PTPN13: variants seen among roughly 807,000 people sequenced by gnomAD.
PTPN13 encodes protein tyrosine phosphatase non-receptor type 13.
In PTPN13, 191 loss-of-function variants were observed where a neutral mutation model predicts 284.0. The ratio of observed to expected loss-of-function variants is 0.67; its 90% CI spans 0.60 to 0.76. PTPN13 has a LOEUF of 0.76. Ranked by LOEUF, PTPN13 falls within the 30% of genes least tolerant of loss-of-function variation. The probability of loss-of-function intolerance (pLI) is 0.00; values close to 1 mark genes in which losing one functional copy is unlikely to be tolerated. For synonymous variants in PTPN13, 986 were observed against 1,022.3 expected, an observed-to-expected ratio of 0.96 and a Z score of 0.68; for missense variants, 2,797 against 2,939.9, an observed-to-expected ratio of 0.95 and a Z score of 1.12.
At chr4:86,700,493 T>C (rs181014318) in intron 6 of PTPN13, among the ~76,000 whole-genome samples, 63 of 152,266 alleles carry the variant, frequency 4.1e-4, no homozygotes, top group African/African-American at 1.4e-3. Context: ...GTAAAATGAC[T>C]ACTGATTTTT....
chr4:86,773,061 C>T, intron 32 of PTPN13, 103 bp downstream of exon 32: 1 of 811,632 alleles, frequency 1.2e-6, no homozygotes, highest in Non-Finnish European at 1.8e-6. Flanking sequence ...AAAATAGCTT[C>T]ATATGTGTGT....
chr4:86,732,328 A>G, intron 10 of PTPN13, 72 bp from the exon 11 acceptor site: 6 of 1,225,862 alleles, frequency 4.9e-6, no homozygotes, highest in Non-Finnish European at 6.8e-6. Context: ...TTATTCTTAC[A>G]TTATTTTTCC....
rs962062552 is a variant in PTPN13, at chr4:86,809,971, G to A, written c.7286G>A (p.Ser2429Asn). Residue 2429 changes from serine to asparagine, a missense_variant, in exon 46 of 48, where the codon AGT becomes AAT. Physicochemically the swap from Ser to Asn is conservative, Grantham distance 46. Transcript: ENST00000411767. ...ICIDVVLGLI[S>N]QDLDFDISDL... is the part of the protein sequence containing the mutation. The stretch of plus-strand genomic sequence containing the variant: ...ATAGATGTGGTTCTGGGATTAATCA[G>A]TCAGGATCTTGATGTGAGTACAAGA... The A allele has an allele frequency of 3.1e-6, 5 of 1,613,864 alleles. No homozygotes were observed. The highest frequency in any genetic ancestry group is 1.6e-4 in the Middle Eastern group (1 of 6,062).
chr4:86,655,093 G>C (rs1318574149), intron 2 of PTPN13, among the ~76,000 whole-genome samples: 1 of 152,016 alleles, frequency 6.6e-6, no homozygotes, highest in Non-Finnish European at 1.5e-5. Context: ...CCATTTGCTT[G>C]GTAGATCTTC....
chr4:86,809,160 G>A (rs1419665903), intron 45 of PTPN13, among the ~76,000 whole-genome samples: 1 of 152,178 alleles, frequency 6.6e-6, no homozygotes, highest in Non-Finnish European at 1.5e-5. Context: ...TAGTGTTGCA[G>A]TGACTCTGAC....
intron 2 of PTPN13, among the ~76,000 whole-genome samples, chr4:86,659,779 G>A (rs1470058965): frequency 2.6e-5 from 4 of 151,430 alleles, no homozygotes; most frequent in African/African-American, 4.9e-5. Context: ...TGGTGACACC[G>A]CACTCCAGCC....
chr4:86,672,834 A>G (rs1727859708), intron 3 of PTPN13, among the ~76,000 whole-genome samples: 2 of 152,206 alleles, frequency 1.3e-5, no homozygotes, highest in African/African-American at 4.8e-5. Context: ...AAATAACTGG[A>G]AAGTTGACCC....
rs532957775 is a variant in PTPN13 at position 86,724,339 on chromosome 4, C to T, written c.1608+1905C>T. On this transcript the variant is annotated intron_variant, in intron 10 of 47. Coordinates refer to ENST00000411767, the MANE Select transcript of PTPN13 (RefSeq NM_080683.3). Reference sequence around the variant, plus strand: ...ACTTCCAATATAATAATTCAGTGAACAGCACAAACTGCACGTACATATACA... The same window carrying T: ...ACTTCCAATATAATAATTCAGTGAATAGCACAAACTGCACGTACATATACA... 2.3e-4 allele frequency among the ~76,000 whole-genome samples: 35 copies of T among 152,238 alleles called. No homozygotes were observed. In the East Asian group the frequency reaches 3.7e-3, roughly 16 times the overall value.
Position 86,701,453 on chromosome 4 carries a change from GA to G in PTPN13, c.855del (p.Lys285AsnfsTer45), listed in dbSNP as rs754278242. The G allele has an allele frequency of 1.1e-5, 18 of 1,613,270 alleles. No homozygotes were observed. The highest frequency in any genetic ancestry group is 1.6e-4 in the Middle Eastern group (1 of 6,062). On this transcript the variant is annotated frameshift_variant, in exon 7 of 48. Coordinates refer to ENST00000411767, the MANE Select transcript of PTPN13 (RefSeq NM_080683.3). LOFTEE classifies it high-confidence loss of function. ...SPYQFKTSGP[E>X]KKPIPGIDVL... ...TTACCAGTTCAAAACTAGTGGCCCA[GA>G]AAAAAAACCCATCCCTGGCATTGAT...
chr4:86,767,134 G>A (rs1739420096), intron 27 of PTPN13, among the ~76,000 whole-genome samples: 1 of 151,840 alleles, frequency 6.6e-6, no homozygotes, highest in Non-Finnish European at 1.5e-5. Flanking sequence ...GTCTCCCTAT[G>A]TTGCCCATGC....
chr4:86,769,172 C>T (rs1477903400), intron 28 of PTPN13, among the ~76,000 whole-genome samples: 1 of 152,118 alleles, frequency 6.6e-6, no homozygotes, highest in Non-Finnish European at 1.5e-5. Flanking sequence ...AGTTAAATTA[C>T]ACCTCCCCAG....
Position 86,727,186 on chromosome 4 carries a change from T to G in PTPN13, c.1608+4752T>G, listed in dbSNP as rs532676163. The stretch of plus-strand genomic sequence containing the variant: ...GCCCACTTGATCCTGGTGGATAAGC[T>G]TTTTGGTGTGCTGCTGGATTTGGTT... On this transcript the variant is annotated intron_variant, in intron 10 of 47. Coordinates refer to ENST00000411767, the MANE Select transcript of PTPN13 (RefSeq NM_080683.3). Among the ~76,000 whole-genome samples the G allele has an allele frequency of 2.5e-4, 37 of 149,630 alleles. 1 individual carries two copies. Among genetic ancestry groups the G allele is most frequent in the Middle Eastern group, 3.4e-3 (1 of 290 alleles).
chr4:86,602,142 T>C (rs1039601724), intron 1 of PTPN13, among the ~76,000 whole-genome samples: 2 of 152,172 alleles, frequency 1.3e-5, no homozygotes, highest in Non-Finnish European at 2.9e-5. Context: ...GGTGATTTGT[T>C]TTTAGATGTT....
intron 23 of PTPN13, among the ~76,000 whole-genome samples, chr4:86,762,044 C>T (rs1738756743): frequency 6.6e-6 from 1 of 152,252 alleles, no homozygotes; most frequent in African/African-American, 2.4e-5. Context: ...ACAATCACTG[C>T]TCACTGCAGG....
At chr4:86,625,773 G>A (rs866555978) in intron 1 of PTPN13, among the ~76,000 whole-genome samples, 9 of 152,244 alleles carry the variant, frequency 5.9e-5, no homozygotes, top group South Asian at 2.1e-4. Flanking sequence ...GCCCCACTAC[G>A]TAGGCAGTTT....
In PTPN13 at chr4:86,716,973, C is replaced by T. The variant is rs1733100495; in HGVS notation, c.1292-51C>T. On this transcript the variant is annotated intron_variant, in intron 8 of 47. Transcript: ENST00000411767. ...AGTGTTTGAGTTTTAAATGAAATTA[C>T]TCTCATGTTTCTATCACCTGTGCCA... The T allele has an allele frequency of 3.2e-6, 4 of 1,269,092 alleles. No individual in the cohort carries two copies. In the Admixed American group the frequency reaches 7.5e-5, roughly 24 times the overall value. 78.6% of individuals were successfully genotyped at this position (1,269,092 alleles called of 1,614,324 possible). A position where few individuals can be genotyped will look rare whatever the true frequency, so the allele number is the denominator to read the frequency against.
intron 10 of PTPN13, among the ~76,000 whole-genome samples, chr4:86,727,492 C>A (rs1389817101): frequency 1.3e-5 from 2 of 149,242 alleles, no homozygotes; most frequent in Non-Finnish European, 3.0e-5. Context: ...AATTTCAGAG[C>A]CTGTTATTGG....
chr4:86,604,465 T>C (rs542877450), intron 1 of PTPN13, among the ~76,000 whole-genome samples: 1 of 152,162 alleles, frequency 6.6e-6, no homozygotes, highest in South Asian at 2.1e-4. Flanking sequence ...TTAGCCTCTT[T>C]AGTTTACATT....
chr4:86,707,369 G>A (rs116175694), intron 7 of PTPN13, among the ~76,000 whole-genome samples: 1 of 152,238 alleles, frequency 6.6e-6, no homozygotes, highest in Non-Finnish European at 1.5e-5. Flanking sequence ...TGTGATCTCT[G>A]GTCCTAGCCT....
Sources: gnomAD v4.1 joint callset for allele counts (sites outside exome capture counted in the v4.1 genomes callset) on GRCh38, gnomAD v4.1.1 for gene constraint, MANE v1.5 for transcripts, NCBI Gene and HGNC (gene_info 2026-07-23, HGNC 2026-07-21) for gene names.